Variants in RPL26L1 observed in about 807,000 individuals in gnomAD.
The protein encoded by RPL26L1 is ribosomal protein L26 like 1, also known as ribosomal protein uL24-like.
In RPL26L1, 8 loss-of-function variants were observed where a neutral mutation model predicts 15.2. The ratio of observed to expected loss-of-function variants is 0.53; its 90% confidence interval spans 0.31 to 0.95. RPL26L1 has a LOEUF of 0.95. Among genes scored for constraint, RPL26L1 ranks in the 40% least tolerant of loss-of-function variants. The pLI is 0.05. For synonymous variants in RPL26L1, 51 were observed against 65.9 expected (o/e 0.77, Z 1.09); for missense variants, 146 against 190.9 (o/e 0.76, Z 1.39).
upstream of RPL26L1, chr5:172,955,080 G>A (rs1429529991): frequency 2.2e-6 from 1 of 454,990 alleles, no homozygotes; most frequent in Admixed American, 2.4e-5. Context: ...GTGAAACCTG[G>A]GAAGAAATGG....
chr5:172,955,086 A>G, upstream of RPL26L1: 1 of 454,200 alleles, frequency 2.2e-6, no homozygotes, highest in South Asian at 1.6e-5. Context: ...CCTGGGAAGA[A>G]ATGGGGTGTG....
intron 2 of RPL26L1, among the ~76,000 whole-genome samples, chr5:172,960,424 C>CTT (rs1157741627): frequency 6.6e-6 from 1 of 152,060 alleles, no homozygotes; most frequent in Non-Finnish European, 1.5e-5. Context: ...ACCAAAAATA[C>CTT]TTTTGATTTA....
chr5:172,958,117 AGCCGG>A (rs2113516357), upstream of RPL26L1: 1 of 309,452 alleles, frequency 3.2e-6, no homozygotes, highest in South Asian at 2.6e-5. Context: ...ATACAAAATT[AGCCGG>A]GCGTGGTGGC....
At chr5:172,959,365 T>C (rs1755124598), upstream of RPL26L1, 1 of 1,003,056 alleles carries the variant, frequency 1.0e-6, no homozygotes, top group African/African-American at 1.7e-5. Flanking sequence ...GCCATTCGAC[T>C]TCGCTCCTAC....
In RPL26L1 at chr5:172,959,463, AG is replaced by A; in HGVS notation, c.-14del. 1 of 1,016,482 alleles carries A rather than the reference AG, an allele frequency of 9.8e-7. No individual in the cohort carries two copies. Among genetic ancestry groups the A allele is most frequent in the Non-Finnish European group, 1.2e-6 (1 of 845,540 alleles). 63.0% of individuals were successfully genotyped at this position (1,016,482 alleles called of 1,614,324 possible). A position where few individuals can be genotyped will look rare whatever the true frequency, so the allele number is the denominator to read the frequency against. ...GCACTCAGGGTCTGAGGCAGCTAGT[AG>A]CCGGGTGAGTGGAGGCTGGAGTTTT... On this transcript the variant is annotated 5_prime_UTR_variant, in exon 1 of 4. Coordinates refer to ENST00000265100, the MANE Select transcript of RPL26L1 (RefSeq NM_016093.4).
At chr5:172,958,301 G>A (rs1026685631), upstream of RPL26L1, 3 of 416,392 alleles carry the variant, frequency 7.2e-6, no homozygotes, top group South Asian at 5.1e-5. Context: ...ATTAGTAAAC[G>A]CAGGTGTTTA....
chr5:172,967,933 TTA>T (rs948907496), intron 2 of RPL26L1, among the ~76,000 whole-genome samples: 10 of 151,530 alleles, frequency 6.6e-5, no homozygotes, highest in African/African-American at 2.4e-4. Flanking sequence ...GTAATATATA[TTA>T]TATATATACA....
upstream of RPL26L1, chr5:172,956,929 CTCTA>C (rs1754993447): frequency 7.3e-6 from 2 of 272,982 alleles, no homozygotes; most frequent in Non-Finnish European, 1.5e-5. Context: ...CAGAGCGAGA[CTCTA>C]TCTCGAAAAA....
At chr5:172,959,551 C>T (rs1160482325) in intron 1 of RPL26L1, 83 bp downstream of exon 1, 1 of 1,143,862 alleles carries the variant, frequency 8.7e-7, no homozygotes. Flanking sequence ...GAACACATGT[C>T]ACCCCACAGC....
intron 2 of RPL26L1, among the ~76,000 whole-genome samples, chr5:172,961,007 AG>A (rs1316669084): frequency 2.6e-5 from 4 of 151,998 alleles, no homozygotes; most frequent in Non-Finnish European, 4.4e-5. Flanking sequence ...CTCCCTTCAC[AG>A]TTGTGACAAG....
chr5:172,958,351 AAGAG>A (rs914970451), upstream of RPL26L1: 1 of 455,978 alleles, frequency 2.2e-6, no homozygotes, highest in Non-Finnish European at 4.4e-6. Flanking sequence ...CTGATAAACT[AAGAG>A]AGAGCACGGG....
At chr5:172,957,599 TAA>T, upstream of RPL26L1, 1 of 269,598 alleles carries the variant, frequency 3.7e-6, no homozygotes, top group Non-Finnish European at 7.4e-6. Flanking sequence ...AATGAGTGAA[TAA>T]ACAGAACCAG....
At chr5:172,968,645 A>G (rs376766337) in intron 3 of RPL26L1, 46 bp downstream of exon 3, 8 of 1,612,044 alleles carry the variant, frequency 5.0e-6, no homozygotes, top group African/African-American at 2.7e-5. Flanking sequence ...GAGTGTGTCA[A>G]TACTGTTCAA....
upstream of RPL26L1, chr5:172,958,456 A>G (rs1755068593): frequency 2.2e-6 from 1 of 456,064 alleles, no homozygotes; most frequent in African/African-American, 2.0e-5. Context: ...GTCGTTCAAC[A>G]TATATGGAAT....
At chr5:172,960,507 C>A (rs894254009) in intron 2 of RPL26L1, among the ~76,000 whole-genome samples, 3 of 152,116 alleles carry the variant, frequency 2.0e-5, no homozygotes, top group Non-Finnish European at 1.5e-5. Flanking sequence ...GGGGAAGGTG[C>A]TGCAGTGAGA....
At chr5:172,966,667 C>T (rs192442823) in intron 2 of RPL26L1, among the ~76,000 whole-genome samples, 1,738 of 152,128 alleles carry the variant, frequency 0.011, 26 homozygotes, top group South Asian at 0.055. Context: ...CCAGGTGTGT[C>T]CTGAGAGTCT....
rs1179448621 is a variant in RPL26L1, at chr5:172,968,481, G to T, written c.191G>T (p.Gly64Val). Residue 64 changes from glycine (G) to valine (V), a missense_variant, in exon 3 of 4, where the codon GGT becomes GTT. Coordinates refer to ENST00000265100, the MANE Select transcript of RPL26L1 (RefSeq NM_016093.4). ...EVQVVRGHYKGQQIGKVVQVY... is the reference protein window; with the variant it reads ...EVQVVRGHYKVQQIGKVVQVY... ...TAGGTAGTTCGAGGACACTACAAAG[G>T]TCAGCAAATTGGCAAGGTAGTCCAG... 9 of 1,614,006 alleles carry T rather than the reference G, an allele frequency of 5.6e-6. No homozygotes were observed. Among genetic ancestry groups the T allele is most frequent in the South Asian group, 5.5e-5 (5 of 91,078 alleles).
chr5:172,962,498 ACT>A (rs1210876071), intron 2 of RPL26L1, among the ~76,000 whole-genome samples: 2 of 127,810 alleles, frequency 1.6e-5, no homozygotes, highest in African/African-American at 3.0e-5. Context: ...ACAGAGTGAG[ACT>A]CTGTCTCAAA....
chr5:172,960,457 A>G (rs1755188987), intron 2 of RPL26L1, among the ~76,000 whole-genome samples: 1 of 152,076 alleles, frequency 6.6e-6, no homozygotes, highest in Admixed American at 6.6e-5. Context: ...CTAGTTTGCC[A>G]AGTGTTGTTG....
Sources: allele counts gnomAD v4.1 joint callset (sites outside exome capture counted in the v4.1 genomes callset), GRCh38; gene constraint gnomAD v4.1.1; transcripts MANE v1.5; gene names NCBI Gene and HGNC (gene_info 2026-07-23, HGNC 2026-07-21).